GLYATL1: variants seen among roughly 807,000 people sequenced by gnomAD.
GLYATL1 encodes glycine N-acyltransferase-like protein 1.
A neutral mutation model predicts 20.0 loss-of-function variants in GLYATL1; 15 were observed. The ratio of observed to expected loss-of-function variants is 0.75; its 90% CI spans 0.50 to 1.15. The LOEUF (loss-of-function observed/expected upper bound fraction) is 1.15. Ranked by LOEUF, GLYATL1 falls within the 50% of genes most tolerant of loss-of-function variation. GLYATL1 has a pLI of 0.00. For missense variants in GLYATL1, 380 were observed against 368.5 expected (o/e 1.03, Z -0.26); for synonymous variants, 151 against 131.5 (o/e 1.15, Z -1.01).
At chr11:58,919,258 C>T (rs78349042) in intron 1 of GLYATL1, among the ~76,000 whole-genome samples, 6,276 of 152,198 alleles carry the variant, frequency 0.041, 408 homozygotes, top group African/African-American at 0.14. Context: ...TTCAGGTGGC[C>T]GGCTGAATAA....
At chr11:58,951,221 T>A (rs1018440621) in intron 4 of GLYATL1, among the ~76,000 whole-genome samples, 1 of 152,148 alleles carries the variant, frequency 6.6e-6, no homozygotes, top group Non-Finnish European at 1.5e-5. Context: ...TTGGAATATA[T>A]TTTTGAATAG....
intron 1 of GLYATL1, among the ~76,000 whole-genome samples, chr11:58,931,093 G>A (rs766888827): frequency 1.3e-5 from 2 of 152,118 alleles, no homozygotes; most frequent in African/African-American, 2.4e-5. Context: ...TTATCTCATC[G>A]TTCTGGAGGT....
At chr11:58,911,530 C>T (rs1440849363), downstream of GLYATL1, among the ~76,000 whole-genome samples, 1 of 152,166 alleles carries the variant, frequency 6.6e-6, no homozygotes. Context: ...TATGTAATGG[C>T]ATCTTTTTGT....
At chr11:58,932,207 T>C (rs1038181981) in intron 1 of GLYATL1, among the ~76,000 whole-genome samples, 6 of 150,680 alleles carry the variant, frequency 4.0e-5, no homozygotes, top group African/African-American at 7.3e-5. Flanking sequence ...AGAAAACTAC[T>C]GTTGAAACCC....
At chr11:58,931,573 A>G (rs1855601599) in intron 1 of GLYATL1, among the ~76,000 whole-genome samples, 1 of 152,250 alleles carries the variant, frequency 6.6e-6, no homozygotes, top group Non-Finnish European at 1.5e-5. Flanking sequence ...TATACAAAAA[A>G]TTATTCCAGA....
rs144583561 is a variant in GLYATL1 at position 58,955,252 on chromosome 11, A to G, written c.390A>G (p.Ala130=). The change falls in exon 6 of 7, where the codon GCA becomes GCG. Residue 130 remains alanine, a synonymous_variant. Coordinates refer to ENST00000532726, the MANE Select transcript of GLYATL1 (RefSeq NM_001389712.2). The stretch of plus-strand genomic sequence containing the variant: ...CAGTGAAAGTAGAGCATTCGAGAGC[A>G]CTCCTCTTGGTTACGGAAGATATTC... ...SKSVKVEHSR[A]LLLVTEDILK... is the part of the protein sequence containing the mutation. 9.3e-6 allele frequency: 15 copies of G among 1,613,994 alleles called. No individual in the cohort carries two copies. In the African/African-American group the frequency reaches 1.3e-4, roughly 14 times the overall value.
chr11:58,907,313 C>T (rs187842365), exon 2 of GLYATL1: 1 of 456,318 alleles, frequency 2.2e-6, no homozygotes, highest in East Asian at 6.9e-5. Context: ...GAAATCTGGA[C>T]TTCCAATTGT....
At position 58,947,869 on chromosome 11, in the gene GLYATL1, T is replaced by C; in HGVS notation, c.90T>C (p.Ser30=). The C allele has an allele frequency of 6.2e-7, 1 of 1,612,190 alleles. No individual in the cohort carries two copies. The highest frequency in any genetic ancestry group is 8.5e-7 in the Non-Finnish European group (1 of 1,178,198). The change falls in exon 4 of 7, where the codon TCT becomes TCC. Residue 30 remains serine (S), a synonymous_variant. Coordinates refer to ENST00000532726, the MANE Select transcript of GLYATL1 (RefSeq NM_001389712.2). ...SIPESLKVYG[S]VYHINHGNPF... is the part of the protein sequence containing the mutation. ...CATCCCTCCTTCAGGTGTATGGCTC[T>C]GTGTATCACATCAATCACGGGAACC...
intron 1 of GLYATL1, among the ~76,000 whole-genome samples, chr11:58,920,542 G>A (rs775123241): frequency 8.5e-5 from 13 of 152,080 alleles, no homozygotes; most frequent in South Asian, 6.2e-4. Context: ...CTCAATGTCC[G>A]GGTCTCCGAG....
Position 58,943,628 on chromosome 11 carries a change from T to C in GLYATL1, c.-81T>C. The C allele has an allele frequency of 6.2e-7, 1 of 1,613,598 alleles. No homozygotes were observed. The highest frequency in any genetic ancestry group is 8.5e-7 in the Non-Finnish European group (1 of 1,179,602). Reference sequence around the variant, plus strand: ...CACGGAAGGTACCTGCAGGATCCAATTGTGTCCATTGATCTCTCAGAGTGG... The same window carrying C: ...CACGGAAGGTACCTGCAGGATCCAACTGTGTCCATTGATCTCTCAGAGTGG... On this transcript the variant is annotated 5_prime_UTR_variant, in exon 2 of 7. Transcript: ENST00000532726.
chr11:58,954,110 A>G (rs949494236), intron 4 of GLYATL1, among the ~76,000 whole-genome samples: 3 of 151,890 alleles, frequency 2.0e-5, no homozygotes, highest in African/African-American at 4.9e-5. Context: ...AGGTCTCGTT[A>G]GTGTTTATAT....
At chr11:58,925,894 G>A (rs755847016), upstream of GLYATL1, among the ~76,000 whole-genome samples, 87 of 152,190 alleles carry the variant, frequency 5.7e-4, no homozygotes, top group Admixed American at 9.8e-4. Context: ...AATATTCCAC[G>A]TGTGATAAAA....
intron 1 of GLYATL1, among the ~76,000 whole-genome samples, chr11:58,929,018 T>G (rs1855507388): frequency 6.6e-6 from 1 of 152,230 alleles, no homozygotes; most frequent in Admixed American, 6.5e-5. Flanking sequence ...GCCTGTTCAA[T>G]TATTACAAGC....
At chr11:58,909,174 C>T (rs1195523328), downstream of GLYATL1, among the ~76,000 whole-genome samples, 1 of 151,992 alleles carries the variant, frequency 6.6e-6, no homozygotes, top group Admixed American at 6.6e-5. Flanking sequence ...TGAGACAGAT[C>T]CTAATGAATA....
At chr11:58,924,474 GC>G (rs1855379283), upstream of GLYATL1, among the ~76,000 whole-genome samples, 1 of 152,108 alleles carries the variant, frequency 6.6e-6, no homozygotes, top group Admixed American at 6.5e-5. Flanking sequence ...TAACATTTTG[GC>G]CTTCCAAAAA....
At chr11:58,942,625 T>C (rs1164148359) in intron 1 of GLYATL1, 1 of 152,096 alleles carries the variant, frequency 6.6e-6, no homozygotes, top group Non-Finnish European at 1.5e-5. Context: ...AGAAGATTGA[T>C]TTGAGACATA....
At chr11:58,940,545 T>G (rs528296733) in intron 1 of GLYATL1, among the ~76,000 whole-genome samples, 1 of 152,254 alleles carries the variant, frequency 6.6e-6, no homozygotes, top group African/African-American at 2.4e-5. Context: ...AGAGTGCTCA[T>G]AGATTAAGTA....
At chr11:58,913,596 G>A (rs1479469613), downstream of GLYATL1, among the ~76,000 whole-genome samples, 1 of 152,160 alleles carries the variant, frequency 6.6e-6, no homozygotes, top group East Asian at 1.9e-4. Flanking sequence ...AGTTAATACA[G>A]TGATATTCAT....
At chr11:58,912,749 C>T (rs1391710182), downstream of GLYATL1, among the ~76,000 whole-genome samples, 1 of 152,110 alleles carries the variant, frequency 6.6e-6, no homozygotes, top group South Asian at 2.1e-4. Flanking sequence ...GAAGCCTGGC[C>T]CCTCAGTCAG....
Sources: gnomAD v4.1 joint callset for allele counts (sites outside exome capture counted in the v4.1 genomes callset) on GRCh38, gnomAD v4.1.1 for gene constraint, MANE v1.5 for transcripts, NCBI Gene and HGNC (gene_info 2026-07-23, HGNC 2026-07-21) for gene names.